CARD19: variants seen among roughly 807,000 people sequenced by gnomAD.
CARD19 encodes the protein caspase recruitment domain family member 19, also known as caspase recruitment domain-containing protein 19.
CARD19 carries 25 observed loss-of-function variants against 24.1 expected under a neutral mutation model. The ratio of observed to expected loss-of-function variants is 1.04; its 90% CI spans 0.76 to 1.45. The LOEUF (loss-of-function observed/expected upper bound fraction) is 1.45, where lower values mean the gene tolerates loss of function less well. Among genes scored for constraint, CARD19 ranks in the 40% most tolerant of loss-of-function variants. The probability of loss-of-function intolerance (pLI) is 0.00; values close to 1 mark genes in which losing one functional copy is unlikely to be tolerated. For synonymous variants in CARD19, 103 were observed against 104.9 expected (o/e 0.98, Z 0.11); for missense variants, 241 against 247.4 (o/e 0.97, Z 0.17).
chr9:93,096,502 CGAGT>C lies in CARD19; in HGVS notation c.7+152_7+155del. On this transcript the variant is annotated intron_variant, in intron 1 of 5. Coordinates refer to ENST00000375464, the MANE Select transcript of CARD19 (RefSeq NM_032310.5). The surrounding 1 kb of genome is among the most constrained non-coding windows in gnomAD (Gnocchi z 5.4). ...TGGCCCGTCAGCTGTCGGTGGTGCG[CGAGT>C]GCACCCCCGCGAAGTGGTGGGTGTC... is the stretch of plus-strand genomic sequence containing the variant. The C allele has an allele frequency of 5.5e-6, 4 of 723,726 alleles. No individual in the cohort carries two copies. The highest frequency in any genetic ancestry group is 7.6e-6 in the Non-Finnish European group (4 of 529,412). The allele number at this position is 723,726 out of a possible 1,614,324, so 44.8% of individuals were successfully genotyped here.
chr9:93,107,538 T>G (rs1587646222), intron 1 of CARD19, 136 bp from the exon 2 acceptor site: 1 of 968,222 alleles, frequency 1.0e-6, no homozygotes, highest in Non-Finnish European at 1.5e-6. Flanking sequence ...GGGATGGCTG[T>G]GATTCTGCAG....
At chr9:93,110,972 T>C (rs918952679) in intron 3 of CARD19, 5 of 1,515,284 alleles carry the variant, frequency 3.3e-6, no homozygotes, top group Non-Finnish European at 4.4e-6. Flanking sequence ...CTCTCTCTCA[T>C]GGCAGTTTTC....
chr9:93,110,934 G>C, intron 3 of CARD19: 1 of 1,531,728 alleles, frequency 6.5e-7, no homozygotes, highest in Non-Finnish European at 8.7e-7. Flanking sequence ...GTTGGTCTCT[G>C]TCTCCCACTT....
intron 2 of CARD19, 177 bp from the exon 3 acceptor site, chr9:93,110,391 A>G: frequency 1.0e-6 from 1 of 990,250 alleles, no homozygotes; most frequent in Non-Finnish European, 1.4e-6. Flanking sequence ...TGACAGAGGC[A>G]ATGCCAGGCA....
At chr9:93,103,061 CTG>C (rs1827140454) in intron 1 of CARD19, among the ~76,000 whole-genome samples, 1 of 152,176 alleles carries the variant, frequency 6.6e-6, no homozygotes, top group Non-Finnish European at 1.5e-5. Flanking sequence ...ATCATGTCAT[CTG>C]TGAACAGAGA....
At chr9:93,098,449 T>C (rs533458597) in intron 1 of CARD19, among the ~76,000 whole-genome samples, 27 of 152,166 alleles carry the variant, frequency 1.8e-4, no homozygotes, top group African/African-American at 5.8e-4. Flanking sequence ...AAGGTTCATA[T>C]TGGGGTGTTT....
chr9:93,103,238 A>C (rs753549667), intron 1 of CARD19, among the ~76,000 whole-genome samples: 6 of 152,232 alleles, frequency 3.9e-5, no homozygotes, highest in Non-Finnish European at 7.3e-5. Flanking sequence ...TTTCACCGTT[A>C]AGGTATGATG....
chr9:93,111,042 C>CATGAA (rs1827462612), intron 3 of CARD19: 1 of 1,401,332 alleles, frequency 7.1e-7, no homozygotes, highest in Non-Finnish European at 9.4e-7. Context: ...CCTCATTCCA[C>CATGAA]GGGGATCCCT....
chr9:93,112,585 C>T (rs562390255), intron 5 of CARD19, among the ~76,000 whole-genome samples: 1 of 152,324 alleles, frequency 6.6e-6, no homozygotes, highest in African/African-American at 2.4e-5. Flanking sequence ...TGACCTTGAA[C>T]CATGTGGGGC....
At position 93,096,500 on chromosome 9, in the gene CARD19, C is replaced by A; in HGVS notation, c.7+148C>A. 4.1e-6 allele frequency: 3 copies of A among 735,752 alleles called. No individual in the cohort carries two copies. Among genetic ancestry groups the A allele is most frequent in the Non-Finnish European group, 5.6e-6 (3 of 540,532 alleles). 45.6% of individuals were successfully genotyped at this position (735,752 alleles called of 1,614,324 possible). ...CTTGGCCCGTCAGCTGTCGGTGGTGCGCGAGTGCACCCCCGCGAAGTGGTG... is the reference window on the plus strand; with the variant it reads ...CTTGGCCCGTCAGCTGTCGGTGGTGAGCGAGTGCACCCCCGCGAAGTGGTG... On this transcript the variant is annotated intron_variant, in intron 1 of 5. Transcript: ENST00000375464. This position sits in a 1 kb window ranked among gnomAD's most constrained non-coding sequence, Gnocchi z 5.4.
At chr9:93,100,872 G>A (rs943036658) in intron 1 of CARD19, among the ~76,000 whole-genome samples, 1 of 152,108 alleles carries the variant, frequency 6.6e-6, no homozygotes, top group African/African-American at 2.4e-5. Flanking sequence ...TTCAAGGTTC[G>A]TCCATGTTGT....
chr9:93,106,694 T>A (rs1052203601), intron 1 of CARD19, among the ~76,000 whole-genome samples: 1 of 152,228 alleles, frequency 6.6e-6, no homozygotes, highest in African/African-American at 2.4e-5. Context: ...TTTTTGACCC[T>A]CATTTATTCT....
Position 93,111,922 on chromosome 9 carries a change from C to G in CARD19, c.348C>G (p.Gly116=). 1 of 1,611,522 alleles carries G rather than the reference C, an allele frequency of 6.2e-7. No homozygotes were observed. The highest frequency in any genetic ancestry group is 1.1e-5 in the South Asian group (1 of 90,888). ...AGCTAGACTCGGGCAGCCAGAGCGG[C>G]GAGCTGAGTAACAGGGGTAACACCT... ...CTELDSGSQS[G]ELSNRGPMSF... Residue 116 remains glycine, a synonymous_variant, in exon 4 of 6, where the codon GGC becomes GGG. Coordinates refer to ENST00000375464, the MANE Select transcript of CARD19 (RefSeq NM_032310.5).
intron 1 of CARD19, among the ~76,000 whole-genome samples, chr9:93,097,929 G>A (rs1020715315): frequency 6.6e-6 from 1 of 152,236 alleles, no homozygotes; most frequent in Non-Finnish European, 1.5e-5. Flanking sequence ...AAGGCCCATG[G>A]AGCACAGCTC....
At chr9:93,100,261 A>G (rs1827028729) in intron 1 of CARD19, among the ~76,000 whole-genome samples, 1 of 152,188 alleles carries the variant, frequency 6.6e-6, no homozygotes, top group African/African-American at 2.4e-5. Flanking sequence ...CAAGGAGTGA[A>G]CCCAAGAGGG....
chr9:93,110,227 C>T (rs767980757), intron 2 of CARD19: 92 of 254,322 alleles, frequency 3.6e-4, no homozygotes, highest in Admixed American at 6.4e-4. Context: ...GATCTCCTGA[C>T]CTCGTGATCT....
In CARD19 at chr9:93,096,350, C is replaced by G; in HGVS notation, c.5C>G (p.Thr2Arg). 8.2e-7 allele frequency: 1 copy of G among 1,226,012 alleles called. No homozygotes were observed. The highest frequency in any genetic ancestry group is 1.0e-6 in the Non-Finnish European group (1 of 984,132). 75.9% of individuals were successfully genotyped at this position (1,226,012 alleles called of 1,614,324 possible). A position where few individuals can be genotyped will look rare whatever the true frequency, so the allele number is the denominator to read the frequency against. M[T>R]DQTYCDRLVQ... ...GGCGGCGCTGTGTCCGTCGCCATGA[C>G]AGGTGGGCACGGGGTCGGCTGGGCG... The change falls in exon 1 of 6, where the codon ACA (threonine) becomes AGA (arginine). Residue 2 changes from threonine to arginine, a missense_variant and splice_region_variant. Physicochemically the swap from Thr to Arg is moderately conservative, Grantham distance 71. Transcript: ENST00000375464. The surrounding 1 kb of genome is among the most constrained non-coding windows in gnomAD (Gnocchi z 5.4).
chr9:93,097,444 CACTT>C (rs1826919231), intron 1 of CARD19, among the ~76,000 whole-genome samples: 1 of 152,204 alleles, frequency 6.6e-6, no homozygotes, highest in Non-Finnish European at 1.5e-5. Flanking sequence ...CATTTCTGAG[CACTT>C]ACTGTGCATT....
rs1329023157 is a variant in CARD19 at position 93,111,942 on chromosome 9, A to G, written c.364+4A>G. The G allele has an allele frequency of 6.2e-7, 1 of 1,610,292 alleles. No individual in the cohort carries two copies. The highest frequency in any genetic ancestry group is 2.2e-5 in the East Asian group (1 of 44,804). ...AGCGGCGAGCTGAGTAACAGGGGTA[A>G]CACCTCCCTGCTGCCCCTCCCTCTC... On this transcript the variant is annotated splice_donor_region_variant and intron_variant, in intron 4 of 5. Coordinates refer to ENST00000375464, the MANE Select transcript of CARD19 (RefSeq NM_032310.5).
Sources: gnomAD v4.1 joint callset for allele counts (sites outside exome capture counted in the v4.1 genomes callset) on GRCh38, gnomAD v4.1.1 for gene constraint, Gnocchi (gnomAD v3.1) non-coding constraint, MANE v1.5 for transcripts, NCBI Gene and HGNC (gene_info 2026-07-23, HGNC 2026-07-21) for gene names.